DOK7: variants seen among roughly 807,000 people sequenced by gnomAD.
DOK7 encodes docking protein 7.
A neutral mutation model predicts 30.7 loss-of-function variants in DOK7; 32 were observed. The ratio of observed to expected loss-of-function variants is 1.04; its 90% confidence interval spans 0.79 to 1.40. The LOEUF (loss-of-function observed/expected upper bound fraction) is 1.40. DOK7 is among the 40% of genes most tolerant of loss of function. The pLI is 0.00. For missense variants in DOK7, 1,007 were observed against 699.2 expected (o/e 1.44, Z -4.97); for synonymous variants, 447 against 324.1 (o/e 1.38, Z -4.07).
intron 6 of DOK7, among the ~76,000 whole-genome samples, chr4:3,490,383 C>T (rs915512244): frequency 0.01 from 286 of 27,744 alleles, 1 homozygote; most frequent in Non-Finnish European, 0.01. Context: ...TCCCCCCACC[C>T]CCTGCTCATT....
chr4:3,491,541 TCCCACCTATTCATTCATTCCTTCCTTCA>T (rs1560229850), intron 6 of DOK7, among the ~76,000 whole-genome samples: 5 of 16,578 alleles, frequency 3.0e-4, no homozygotes, highest in Admixed American at 1.0e-3. Flanking sequence ...TTCTTCCTTC[TCCCACCTATTCATTCATTCCTTCCTTCA>T]CTTATGGTTC....
At chr4:3,494,580 C>T (rs1326239554), downstream of DOK7, 3 of 948,262 alleles carry the variant, frequency 3.2e-6, no homozygotes, top group East Asian at 2.3e-4. Context: ...GCCCGGCTTC[C>T]CTGGCCTTTA....
At position 3,473,999 on chromosome 4, in the gene DOK7, C is replaced by T. The variant is rs546295466; in HGVS notation, c.331+363C>T. Among the ~76,000 whole-genome samples the T allele has an allele frequency of 5.7e-5, 8 of 141,282 alleles. No individual in the cohort carries two copies. The East Asian group carries it at 1.0e-3, about 18-fold the overall frequency. 92.7% of individuals were successfully genotyped at this position (141,282 alleles called of 152,430 possible). ...CTAGGAAGGAGAGCCCCAGGCTGGG[C>T]GGTCCCACCCCAGCTTCCCCCCAAA... On this transcript the variant is annotated intron_variant, in intron 3 of 6. Coordinates refer to ENST00000340083, the MANE Select transcript of DOK7 (RefSeq NM_173660.5).
At chr4:3,474,639 T>C (rs1726959924) in intron 3 of DOK7, among the ~76,000 whole-genome samples, 1 of 152,156 alleles carries the variant, frequency 6.6e-6, no homozygotes, top group African/African-American at 2.4e-5. Flanking sequence ...CTGGCCAACA[T>C]AGCGAAGCCC....
In DOK7 at chr4:3,494,309, C is replaced by T; in HGVS notation, c.*808C>T. 1.0e-6 allele frequency: 1 copy of T among 985,646 alleles called. No homozygotes were observed. The highest frequency in any genetic ancestry group is 1.2e-6 in the Non-Finnish European group (1 of 830,092). 61.1% of individuals were successfully genotyped at this position (985,646 alleles called of 1,614,324 possible). On this transcript the variant is annotated 3_prime_UTR_variant, in exon 7 of 7. Coordinates refer to ENST00000340083, the MANE Select transcript of DOK7 (RefSeq NM_173660.5). Reference sequence around the variant, plus strand: ...CTCAGCCCCTGCGTCGGAGGTGGGGCTGTGTTGGGCCCATTGTCCCCCGCC... The same window carrying T: ...CTCAGCCCCTGCGTCGGAGGTGGGGTTGTGTTGGGCCCATTGTCCCCCGCC...
chr4:3,463,442 C>A lies in DOK7; in HGVS notation c.54+13C>A. 1.0e-5 allele frequency: 4 copies of A among 385,278 alleles called. No homozygotes were observed. Among genetic ancestry groups the A allele is most frequent in the Non-Finnish European group, 1.5e-5 (4 of 271,932 alleles). 23.9% of individuals were successfully genotyped at this position (385,278 alleles called of 1,614,324 possible). A position where few individuals can be genotyped will look rare whatever the true frequency, so the allele number is the denominator to read the frequency against. ...GGACGGCAAGAAGGTCGGGGCGCGT[C>A]GGGGGCGCGGGGGGGGGGGGCGCGG... On this transcript the variant is annotated intron_variant, in intron 1 of 6. Transcript: ENST00000340083.
chr4:3,478,633 G>A (rs1053387935), intron 4 of DOK7, among the ~76,000 whole-genome samples: 1 of 92,370 alleles, frequency 1.1e-5, no homozygotes, highest in South Asian at 3.8e-4. Context: ...GCTCAGTGCT[G>A]AATGTTCTCG....
intron 6 of DOK7, among the ~76,000 whole-genome samples, chr4:3,490,405 T>TCCCCC (rs1281463112): frequency 1.8e-5 from 1 of 56,870 alleles, no homozygotes; most frequent in Non-Finnish European, 3.4e-5. Context: ...AGTCCTTCTT[T>TCCCCC]CACCCCCCCC....
intron 3 of DOK7, among the ~76,000 whole-genome samples, chr4:3,474,911 C>CA (rs1267851908): frequency 6.6e-6 from 1 of 151,932 alleles, no homozygotes; most frequent in East Asian, 1.9e-4. Flanking sequence ...GACCCTGTCT[C>CA]AAAAAAACAA....
intron 4 of DOK7, among the ~76,000 whole-genome samples, chr4:3,482,971 C>G (rs776220807): frequency 6.6e-6 from 1 of 151,726 alleles, no homozygotes; most frequent in Non-Finnish European, 1.5e-5. Flanking sequence ...GGTCAGGGGA[C>G]TGAAGGGGGC....
At chr4:3,469,102 G>A (rs921609621) in intron 2 of DOK7, among the ~76,000 whole-genome samples, 2 of 150,038 alleles carry the variant, frequency 1.3e-5, no homozygotes, top group African/African-American at 5.0e-5. Flanking sequence ...GCCTGTGTGT[G>A]CGTGCATGTA....
chr4:3,496,541 C>T (rs922585062), downstream of DOK7, among the ~76,000 whole-genome samples: 5 of 152,230 alleles, frequency 3.3e-5, no homozygotes, highest in African/African-American at 1.2e-4. Context: ...CCGCCCCCTC[C>T]CCAGATGCCG....
chr4:3,481,362 T>A (rs145590002), intron 4 of DOK7, among the ~76,000 whole-genome samples: 1 of 151,782 alleles, frequency 6.6e-6, no homozygotes, highest in Non-Finnish European at 1.5e-5. Flanking sequence ...AGCTGCCTGG[T>A]TGGGGGATGG....
intron 2 of DOK7, among the ~76,000 whole-genome samples, chr4:3,468,919 GTGTA>G (rs1218384370): frequency 6.8e-6 from 1 of 147,198 alleles, no homozygotes; most frequent in Non-Finnish European, 1.5e-5. Context: ...GTGTGTATGT[GTGTA>G]TGAGTGTGCG....
intron 2 of DOK7, among the ~76,000 whole-genome samples, chr4:3,472,042 G>A (rs376769683): frequency 9.2e-5 from 14 of 152,246 alleles, no homozygotes; most frequent in Non-Finnish European, 1.6e-4. Context: ...AGTAGTGGCC[G>A]CAGAGCCTGT....
rs113261250 is a variant in DOK7, at chr4:3,476,260, G to A, written c.332-82G>A. The stretch of plus-strand genomic sequence containing the variant: ...TGATGCCCTCTCACCCCACCCGCCC[G>A]TGATGCCCTCTCACCCCACCCGCCC... On this transcript the variant is annotated intron_variant, in intron 3 of 6. Coordinates refer to ENST00000340083, the MANE Select transcript of DOK7 (RefSeq NM_173660.5). 5.8e-3 allele frequency: 603 copies of A among 103,892 alleles called. 65 individuals carry two copies. The highest frequency in any genetic ancestry group is 0.048 in the African/African-American group (229 of 4,776). The allele number at this position is 103,892 out of a possible 1,614,324, so 6.4% of individuals were successfully genotyped here.
At position 3,493,893 on chromosome 4, in the gene DOK7, G is replaced by A. The variant is rs979069013; in HGVS notation, c.*392G>A. 9.3e-7 allele frequency: 1 copy of A among 1,076,648 alleles called. No homozygotes were observed. The highest frequency in any genetic ancestry group is 1.1e-6 in the Non-Finnish European group (1 of 889,230). 66.7% of individuals were successfully genotyped at this position (1,076,648 alleles called of 1,614,324 possible). A position where few individuals can be genotyped will look rare whatever the true frequency, so the allele number is the denominator to read the frequency against. On this transcript the variant is annotated 3_prime_UTR_variant, in exon 7 of 7. Coordinates refer to ENST00000340083, the MANE Select transcript of DOK7 (RefSeq NM_173660.5). ...CCTTGGGCCTCACGCCCCCTTCGGGGGTGGCCGGTTCTCCCCATCACCTCT... is the reference window on the plus strand; with the variant it reads ...CCTTGGGCCTCACGCCCCCTTCGGGAGTGGCCGGTTCTCCCCATCACCTCT...
At chr4:3,494,828 C>A (rs190108145), downstream of DOK7, among the ~76,000 whole-genome samples, 1,341 of 152,264 alleles carry the variant, frequency 8.8e-3, 26 homozygotes, top group African/African-American at 0.031. Context: ...GGCTCTGAGC[C>A]CAGGGCCCCT....
rs141501139 is a variant in DOK7 at position 3,468,411 on chromosome 4, AGT to A, written c.100+4868_100+4869del. 1.3e-4 allele frequency among the ~76,000 whole-genome samples: 20 copies of A among 149,086 alleles called. No individual in the cohort carries two copies. In the South Asian group the frequency reaches 3.0e-3, roughly 22 times the overall value. On this transcript the variant is annotated intron_variant, in intron 2 of 6. Transcript: ENST00000340083. Reference sequence around the variant, plus strand: ...GCCGGTGTCTGCATGGGCATGCAGCAGTGTGTGTGCCTGTGTGAATGTACATG... The same window carrying A: ...GCCGGTGTCTGCATGGGCATGCAGCAGTGTGTGCCTGTGTGAATGTACATG...
Sources: allele counts gnomAD v4.1 joint callset (sites outside exome capture counted in the v4.1 genomes callset), GRCh38; gene constraint gnomAD v4.1.1; transcripts MANE v1.5; gene names NCBI Gene and HGNC (gene_info 2026-07-23, HGNC 2026-07-21).